The following CSRNP3 variants were observed in gnomAD, a reference collection of about 807,000 sequenced individuals.
CSRNP3 encodes cysteine and serine rich nuclear protein 3, also known as cysteine/serine-rich nuclear protein 3.
In CSRNP3, 12 loss-of-function variants were observed where a neutral mutation model predicts 48.0. The observed-to-expected ratio is 0.25, with a 90% CI of 0.16 to 0.41. The LOEUF is 0.41. Among genes scored for constraint, CSRNP3 ranks in the 10% least tolerant of loss-of-function variants. The pLI, the probability that CSRNP3 is intolerant of heterozygous loss-of-function variation, is 1.00. For missense variants in CSRNP3, 580 were observed against 724.4 expected (o/e 0.80, Z 2.29); for synonymous variants, 263 against 269.7 (o/e 0.98, Z 0.24).
intron 3 of CSRNP3, among the ~76,000 whole-genome samples, chr2:165,529,558 G>A (rs1684785255): frequency 6.6e-6 from 1 of 152,048 alleles, no homozygotes. Context: ...GTCTTTATTG[G>A]CAGCATGGAT....
intron 3 of CSRNP3, among the ~76,000 whole-genome samples, chr2:165,576,321 G>A (rs1685450231): frequency 6.6e-6 from 1 of 151,734 alleles, no homozygotes; most frequent in Admixed American, 6.6e-5. Flanking sequence ...TAATTCAGTA[G>A]CGCCTGTAGT....
At chr2:165,478,812 C>T (rs1684002520) in intron 1 of CSRNP3, among the ~76,000 whole-genome samples, 1 of 152,166 alleles carries the variant, frequency 6.6e-6, no homozygotes, top group South Asian at 2.1e-4. Flanking sequence ...AGGTTACTTC[C>T]ATCCTAAGCT....
intron 4 of CSRNP3, among the ~76,000 whole-genome samples, chr2:165,602,976 G>T (rs1293383223): frequency 6.6e-6 from 1 of 151,912 alleles, no homozygotes; most frequent in South Asian, 2.1e-4. Flanking sequence ...CTCACTGCAG[G>T]CTCTGCCCCA....
intron 3 of CSRNP3, among the ~76,000 whole-genome samples, chr2:165,547,097 A>G (rs1685040172): frequency 6.6e-6 from 1 of 152,128 alleles, no homozygotes; most frequent in African/African-American, 2.4e-5. Flanking sequence ...TTTTCTGTGG[A>G]CAGTAAAAAC....
At chr2:165,588,548 A>G (rs1685667685) in intron 3 of CSRNP3, among the ~76,000 whole-genome samples, 1 of 152,214 alleles carries the variant, frequency 6.6e-6, no homozygotes, top group Non-Finnish European at 1.5e-5. Context: ...TTGGACAACG[A>G]TAGCTGTGAT....
intron 2 of CSRNP3, among the ~76,000 whole-genome samples, chr2:165,512,994 A>G (rs113412034): frequency 0.029 from 4,427 of 152,232 alleles, 203 homozygotes; most frequent in African/African-American, 0.1. Context: ...AGTCCCAGCT[A>G]CTTGAGAGGC....
At chr2:165,555,840 T>G (rs1685154668) in intron 3 of CSRNP3, among the ~76,000 whole-genome samples, 1 of 151,458 alleles carries the variant, frequency 6.6e-6, no homozygotes, top group Non-Finnish European at 1.5e-5. Context: ...TGAGGTTGCA[T>G]TTTATATTCA....
intron 4 of CSRNP3, among the ~76,000 whole-genome samples, chr2:165,603,793 A>G (rs2105303816): frequency 6.6e-6 from 1 of 152,306 alleles, no homozygotes; most frequent in Middle Eastern, 3.4e-3. Context: ...ATGCCACACA[A>G]GCATCCCACC....
chr2:165,596,076 T>C (rs1435970928), intron 4 of CSRNP3, among the ~76,000 whole-genome samples: 3 of 151,420 alleles, frequency 2.0e-5, no homozygotes, highest in Non-Finnish European at 2.9e-5. Context: ...CACCTCAGCC[T>C]CCCAAAGTGC....
At chr2:165,494,350 A>C (rs990124678) in intron 1 of CSRNP3, among the ~76,000 whole-genome samples, 1 of 152,084 alleles carries the variant, frequency 6.6e-6, no homozygotes, top group Non-Finnish European at 1.5e-5. Flanking sequence ...ACATACTCTA[A>C]TCAGTATGCT....
At chr2:165,612,537 A>T in intron 4 of CSRNP3, among the ~76,000 whole-genome samples, 1 of 151,876 alleles carries the variant, frequency 6.6e-6, no homozygotes. Context: ...ATCTAGCTAT[A>T]ACTTTTTATC....
At chr2:165,513,070 A>G (rs1684529357) in intron 2 of CSRNP3, among the ~76,000 whole-genome samples, 1 of 152,052 alleles carries the variant, frequency 6.6e-6, no homozygotes. Context: ...CCACCACTGC[A>G]CTCCAGCCTG....
At chr2:165,599,205 A>G (rs1685859724) in intron 4 of CSRNP3, among the ~76,000 whole-genome samples, 1 of 151,648 alleles carries the variant, frequency 6.6e-6, no homozygotes, top group South Asian at 2.1e-4. Flanking sequence ...AGCCTGGGTG[A>G]CAGAGCAAGA....
intron 3 of CSRNP3, among the ~76,000 whole-genome samples, chr2:165,590,191 T>G (rs900259790): frequency 9.8e-5 from 15 of 152,328 alleles, no homozygotes; most frequent in Admixed American, 9.2e-4. Flanking sequence ...AGTGGTAAAA[T>G]CAGAGTAGAA....
intron 3 of CSRNP3, among the ~76,000 whole-genome samples, chr2:165,552,207 T>C (rs1340425998): frequency 6.6e-6 from 1 of 152,240 alleles, no homozygotes; most frequent in Admixed American, 6.5e-5. Context: ...GCTGTTAGTT[T>C]TTCTGCAAAC....
intron 3 of CSRNP3, among the ~76,000 whole-genome samples, chr2:165,529,064 G>A (rs1684778072): frequency 6.6e-6 from 1 of 152,196 alleles, no homozygotes; most frequent in Admixed American, 6.5e-5. Context: ...GGGGGCCCAG[G>A]AAGGCCCCCC....
At chr2:165,551,328 G>A (rs923841738) in intron 3 of CSRNP3, among the ~76,000 whole-genome samples, 1 of 152,078 alleles carries the variant, frequency 6.6e-6, no homozygotes, top group Non-Finnish European at 1.5e-5. Context: ...AGTTTCCTTC[G>A]CACCTTATTT....
chr2:165,606,305 C>T (rs1686010869), intron 4 of CSRNP3, among the ~76,000 whole-genome samples: 1 of 139,764 alleles, frequency 7.2e-6, no homozygotes, highest in Non-Finnish European at 1.5e-5. Flanking sequence ...AAATCATTAA[C>T]TGACGAGGAA....
At chr2:165,483,899 C>A (rs1010942411) in intron 1 of CSRNP3, among the ~76,000 whole-genome samples, 1 of 151,990 alleles carries the variant, frequency 6.6e-6, no homozygotes, top group Non-Finnish European at 1.5e-5. Flanking sequence ...TTTAGGGAGA[C>A]CCTAGCATTC....
Sources: allele counts gnomAD v4.1 joint callset (sites outside exome capture counted in the v4.1 genomes callset), GRCh38; gene constraint gnomAD v4.1.1; transcripts MANE v1.5; gene names NCBI Gene and HGNC (gene_info 2026-07-23, HGNC 2026-07-21).